Variants in LRRC37A2 observed in about 807,000 individuals in gnomAD.
LRRC37A2 encodes the protein leucine-rich repeat-containing protein 37A2.
Under a neutral mutation model 68.8 loss-of-function variants are expected in LRRC37A2, and 9 were observed. The observed-to-expected ratio is 0.13, with a 90% CI of 0.08 to 0.23. The LOEUF is 0.23. Among genes scored for constraint, LRRC37A2 ranks in the 10% least tolerant of loss-of-function variants. The pLI is 1.00. For synonymous variants in LRRC37A2, 63 were observed against 367.6 expected (o/e 0.17, Z 9.48); for missense variants, 168 against 950.4 (o/e 0.18, Z 10.82).
chr17:46,897,191 C>CT, the LRRC37A2 span, among the ~76,000 whole-genome samples: 1 of 152,220 alleles, frequency 6.6e-6, no homozygotes, highest in African/African-American at 2.4e-5. Flanking sequence ...TTCTGACCAG[C>CT]TGCGGCCAAT....
At chr17:46,760,684 G>T in the LRRC37A2 span, among the ~76,000 whole-genome samples, 53 of 151,262 alleles carry the variant, frequency 3.5e-4, no homozygotes, top group Non-Finnish European at 6.8e-4. Flanking sequence ...AGAATTCTGG[G>T]ATAGATAAGT....
At chr17:46,808,712 T>C in the LRRC37A2 span, among the ~76,000 whole-genome samples, 1 of 152,054 alleles carries the variant, frequency 6.6e-6, no homozygotes, top group African/African-American at 2.4e-5. Context: ...TTAAAATTAA[T>C]GACTTAGACA....
the LRRC37A2 span, among the ~76,000 whole-genome samples, chr17:46,759,513 A>G: frequency 6.6e-6 from 1 of 152,344 alleles, no homozygotes; most frequent in Non-Finnish European, 1.5e-5. Context: ...TGGGAGTATA[A>G]GATTAATGGT....
chr17:46,874,491 G>C, the LRRC37A2 span, among the ~76,000 whole-genome samples: 2 of 152,188 alleles, frequency 1.3e-5, no homozygotes, highest in Non-Finnish European at 2.9e-5. Flanking sequence ...AGAGGTGAAG[G>C]CCGTAGCCCC....
intron 6 of LRRC37A2, among the ~76,000 whole-genome samples, chr17:46,535,479 AT>A (rs1278325695): frequency 3.6e-5 from 3 of 84,100 alleles, no homozygotes; most frequent in African/African-American, 8.4e-5. Context: ...GACGCTCATT[AT>A]GTGTATGTTA....
At chr17:46,454,280 T>C in the LRRC37A2 span, among the ~76,000 whole-genome samples, 10 of 100,604 alleles carry the variant, frequency 9.9e-5, 4 homozygotes, top group Admixed American at 1.0e-4. Flanking sequence ...ATCCTTCATA[T>C]TCTTTGAGTT....
the LRRC37A2 span, among the ~76,000 whole-genome samples, chr17:46,983,283 T>TTTC: frequency 4.4e-5 from 6 of 137,018 alleles, no homozygotes; most frequent in African/African-American, 1.4e-4. Context: ...CTGTCTGCCC[T>TTTC]TTCTTCTTTT....
the LRRC37A2 span, among the ~76,000 whole-genome samples, chr17:46,919,714 A>G: frequency 2.0e-5 from 3 of 152,214 alleles, no homozygotes; most frequent in Admixed American, 2.0e-4. Context: ...TTGGAGGCCA[A>G]AGCGGGTGGA....
At chr17:47,033,595 A>G in the LRRC37A2 span, among the ~76,000 whole-genome samples, 3 of 152,262 alleles carry the variant, frequency 2.0e-5, no homozygotes, top group East Asian at 1.9e-4. Context: ...TTTTTCAGCT[A>G]GAGCTGTTAG....
the LRRC37A2 span, among the ~76,000 whole-genome samples, chr17:46,987,363 T>A: frequency 6.6e-6 from 1 of 152,144 alleles, no homozygotes; most frequent in Non-Finnish European, 1.5e-5. Context: ...CGCTCAGGAC[T>A]TCATCCAAAA....
chr17:46,978,600 G>T, the LRRC37A2 span: 1 of 1,538,934 alleles, frequency 6.5e-7, no homozygotes, highest in South Asian at 1.2e-5. Context: ...GGGTCTCCGG[G>T]GTCCTTCTTG....
chr17:46,896,444 A>AAG, the LRRC37A2 span, among the ~76,000 whole-genome samples: 118 of 91,122 alleles, frequency 1.3e-3, 1 homozygote, highest in African/African-American at 2.7e-3. Flanking sequence ...GAAAGAAAGA[A>AAG]AGAAAGAAAA....
the LRRC37A2 span, among the ~76,000 whole-genome samples, chr17:46,711,912 G>A: frequency 6.6e-6 from 1 of 152,122 alleles, no homozygotes; most frequent in Non-Finnish European, 1.5e-5. Context: ...AAAGAGAAAG[G>A]GAGATTATCC....
the LRRC37A2 span, among the ~76,000 whole-genome samples, chr17:46,806,732 T>C: frequency 6.6e-6 from 1 of 152,200 alleles, no homozygotes; most frequent in African/African-American, 2.4e-5. Flanking sequence ...GACCTGCACA[T>C]GTGTTGCCCA....
At chr17:46,950,824 A>C in the LRRC37A2 span, among the ~76,000 whole-genome samples, 1 of 152,200 alleles carries the variant, frequency 6.6e-6, no homozygotes, top group Non-Finnish European at 1.5e-5. Flanking sequence ...GAACAGAGGA[A>C]AAGCGGGGCC....
the LRRC37A2 span, among the ~76,000 whole-genome samples, chr17:46,710,326 G>A: frequency 6.6e-6 from 1 of 151,932 alleles, no homozygotes; most frequent in African/African-American, 2.4e-5. Flanking sequence ...AATGAAGAAG[G>A]GTGCAATTTA....
At chr17:46,882,187 A>G in the LRRC37A2 span, among the ~76,000 whole-genome samples, 1 of 152,088 alleles carries the variant, frequency 6.6e-6, no homozygotes. Flanking sequence ...TTTTTAAAAC[A>G]TGTTTTCCTG....
chr17:46,418,302 G>A, the LRRC37A2 span, among the ~76,000 whole-genome samples: 1 of 64,526 alleles, frequency 1.5e-5, no homozygotes, highest in African/African-American at 3.9e-5. Context: ...GCGTAATCAA[G>A]TTGCCCTCCT....
the LRRC37A2 span, among the ~76,000 whole-genome samples, chr17:46,894,680 C>T: frequency 6.6e-6 from 1 of 152,214 alleles, no homozygotes; most frequent in East Asian, 1.9e-4. Flanking sequence ...GTGGGGCCGC[C>T]AGCCGGCCCC....
Sources: allele counts gnomAD v4.1 joint callset (sites outside exome capture counted in the v4.1 genomes callset), GRCh38; gene constraint gnomAD v4.1.1; transcripts MANE v1.5; gene names NCBI Gene and HGNC (gene_info 2026-07-23, HGNC 2026-07-21).